TMEM132D: variants seen among roughly 807,000 people sequenced by gnomAD.
The protein encoded by TMEM132D is transmembrane protein 132D, also known as mature OL transmembrane protein.
Under a neutral mutation model 62.3 loss-of-function variants are expected in TMEM132D, and 21 were observed. That is an observed-to-expected ratio of 0.34 (90% CI 0.24 to 0.49). TMEM132D has a LOEUF of 0.49. Among genes scored for constraint, TMEM132D ranks in the 20% least tolerant of loss-of-function variants. The probability of loss-of-function intolerance (pLI) is 0.99; values close to 1 mark genes in which losing one functional copy is unlikely to be tolerated. For synonymous variants in TMEM132D, 621 were observed against 575.6 expected (o/e 1.08, Z -1.13); for missense variants, 1,346 against 1,402.8 (o/e 0.96, Z 0.65).
intron 3 of TMEM132D, among the ~76,000 whole-genome samples, chr12:129,513,515 C>T (rs866318761): frequency 1.3e-5 from 2 of 152,114 alleles, no homozygotes; most frequent in Non-Finnish European, 2.9e-5. Context: ...GACAGAGTCT[C>T]ACTCTGTCGC....
At chr12:129,341,569 G>A (rs1869486380) in intron 3 of TMEM132D, among the ~76,000 whole-genome samples, 1 of 152,132 alleles carries the variant, frequency 6.6e-6, no homozygotes, top group Non-Finnish European at 1.5e-5. Context: ...AGAAAGTTAG[G>A]CATTCCTAGC....
intron 3 of TMEM132D, among the ~76,000 whole-genome samples, chr12:129,482,340 A>G (rs1874452995): frequency 6.6e-6 from 1 of 152,272 alleles, no homozygotes; most frequent in Admixed American, 6.5e-5. Flanking sequence ...TTACAGTGAT[A>G]GAAATCTTTT....
intron 1 of TMEM132D, among the ~76,000 whole-genome samples, chr12:129,719,630 A>G (rs1372364785): frequency 6.6e-6 from 1 of 152,232 alleles, no homozygotes; most frequent in African/African-American, 2.4e-5. Context: ...GTAAGTGCTG[A>G]ATTCCATAAA....
intron 3 of TMEM132D, among the ~76,000 whole-genome samples, chr12:129,428,053 C>T (rs1001834260): frequency 6.6e-6 from 1 of 151,874 alleles, no homozygotes; most frequent in Non-Finnish European, 1.5e-5. Context: ...ACCCAATAAA[C>T]AAAAACACAA....
At chr12:129,631,916 C>T (rs1383645067) in intron 2 of TMEM132D, among the ~76,000 whole-genome samples, 1 of 152,112 alleles carries the variant, frequency 6.6e-6, no homozygotes, top group African/African-American at 2.4e-5. Flanking sequence ...CTCAGACTTA[C>T]CACATAAGAG....
intron 4 of TMEM132D, among the ~76,000 whole-genome samples, chr12:129,247,617 C>T (rs1223685746): frequency 4.6e-5 from 7 of 152,180 alleles, no homozygotes; most frequent in South Asian, 2.1e-4. Context: ...AAGAGTCACA[C>T]GACTGTGGAA....
chr12:129,720,047 G>C (rs188906337), intron 1 of TMEM132D, among the ~76,000 whole-genome samples: 2 of 152,026 alleles, frequency 1.3e-5, no homozygotes, highest in Admixed American at 1.3e-4. Flanking sequence ...ACCAAGTCTC[G>C]GAGTTGCCCT....
At chr12:129,688,374 T>G (rs547482054) in intron 2 of TMEM132D, among the ~76,000 whole-genome samples, 2 of 152,274 alleles carry the variant, frequency 1.3e-5, no homozygotes, top group East Asian at 3.9e-4. Context: ...GCGAGAGCTT[T>G]TTAAAGACCC....
chr12:129,348,616 A>G (rs896327607), intron 3 of TMEM132D, among the ~76,000 whole-genome samples: 6 of 152,180 alleles, frequency 3.9e-5, no homozygotes, highest in Admixed American at 2.0e-4. Flanking sequence ...CTGGGCTTAA[A>G]ACCTAGATGA....
intron 3 of TMEM132D, among the ~76,000 whole-genome samples, chr12:129,407,089 A>G (rs1308651748): frequency 6.6e-6 from 1 of 152,380 alleles, no homozygotes; most frequent in Admixed American, 6.5e-5. Context: ...GTCAAAAATG[A>G]AAAGAAATTT....
At chr12:129,600,261 T>C (rs1878450481) in intron 2 of TMEM132D, among the ~76,000 whole-genome samples, 1 of 152,246 alleles carries the variant, frequency 6.6e-6, no homozygotes, top group Admixed American at 6.5e-5. Flanking sequence ...CAATTCTTCC[T>C]CTGTTCACAT....
chr12:129,270,847 G>C (rs1345638455), intron 4 of TMEM132D, among the ~76,000 whole-genome samples: 2 of 152,132 alleles, frequency 1.3e-5, no homozygotes, highest in Non-Finnish European at 2.9e-5. Context: ...GCATCCCTTT[G>C]GAATTCATCA....
intron 4 of TMEM132D, among the ~76,000 whole-genome samples, chr12:129,280,585 G>T (rs1369167831): frequency 6.6e-6 from 1 of 152,094 alleles, no homozygotes; most frequent in African/African-American, 2.4e-5. Flanking sequence ...GAGAAGTCAG[G>T]AACTATATTA....
intron 2 of TMEM132D, among the ~76,000 whole-genome samples, chr12:129,595,708 G>T (rs1328977560): frequency 1.3e-5 from 2 of 152,214 alleles, no homozygotes; most frequent in Non-Finnish European, 2.9e-5. Context: ...TTCTGACCCT[G>T]GGGGCCAGAT....
chr12:129,154,736 A>AT (rs1565980564), intron 5 of TMEM132D, among the ~76,000 whole-genome samples: 1 of 151,860 alleles, frequency 6.6e-6, no homozygotes, highest in African/African-American at 2.4e-5. Flanking sequence ...TATCTTTTTT[A>AT]TTTTTTAAAT....
At chr12:129,555,646 T>G (rs1232871989) in intron 2 of TMEM132D, among the ~76,000 whole-genome samples, 1 of 152,240 alleles carries the variant, frequency 6.6e-6, no homozygotes, top group Non-Finnish European at 1.5e-5. Context: ...AAGTGTGACA[T>G]GCCCATCAAT....
chr12:129,537,967 G>A (rs1353057777), intron 2 of TMEM132D, among the ~76,000 whole-genome samples: 2 of 152,110 alleles, frequency 1.3e-5, no homozygotes, highest in Non-Finnish European at 1.5e-5. Context: ...TGGCCTCATC[G>A]ACGCGGCACA....
chr12:129,342,094 C>G, intron 3 of TMEM132D, among the ~76,000 whole-genome samples: 1 of 152,170 alleles, frequency 6.6e-6, no homozygotes, highest in South Asian at 2.1e-4. Context: ...TCATATGGAA[C>G]CAAAAAAGAG....
At chr12:129,831,526 C>G (rs113839106) in intron 1 of TMEM132D, among the ~76,000 whole-genome samples, 2 of 152,254 alleles carry the variant, frequency 1.3e-5, no homozygotes, top group African/African-American at 4.8e-5. Context: ...CTGGCTCAGC[C>G]GTGAAAAATA....
Sources: allele counts gnomAD v4.1 joint callset (sites outside exome capture counted in the v4.1 genomes callset), GRCh38; gene constraint gnomAD v4.1.1; transcripts MANE v1.5; gene names NCBI Gene and HGNC (gene_info 2026-07-23, HGNC 2026-07-21).